Variants in TCEANC observed in about 807,000 individuals in gnomAD.
The protein encoded by TCEANC is transcription elongation factor A N-terminal and central domain-containing protein.
TCEANC carries 8 observed loss-of-function variants against 8.7 expected under a neutral mutation model. That is an observed-to-expected ratio of 0.92 (90% CI 0.54 to 1.65). The LOEUF (loss-of-function observed/expected upper bound fraction) is 1.65, where lower values mean the gene tolerates loss of function less well. Among genes scored for constraint, TCEANC ranks in the 40% most tolerant of loss-of-function variants. The pLI, the probability that TCEANC is intolerant of heterozygous loss-of-function variation, is 0.00. For missense variants in TCEANC, 255 were observed against 251.9 expected, an observed-to-expected ratio of 1.01 and a Z score of -0.08; for synonymous variants, 78 against 92.9, an observed-to-expected ratio of 0.84 and a Z score of 0.92.
chrX:13,662,567 A>G, exon 2 of TCEANC: 1 of 1,211,874 alleles, frequency 8.3e-7, no homozygotes, highest in Non-Finnish European at 1.1e-6. Flanking sequence ...CTGATGTCCA[A>G]AAGGAATTTT....
chrX:13,663,866 G>A (rs1436512785), exon 2 of TCEANC: 2 of 215,473 alleles, frequency 9.3e-6, no homozygotes, highest in East Asian at 8.6e-5. Flanking sequence ...TCACACCATT[G>A]AATCCGAATC....
intron 1 of TCEANC, 59 bp from the exon 5 acceptor site, chrX:13,662,442 A>G: frequency 1.9e-6 from 2 of 1,073,261 alleles, no homozygotes; most frequent in Non-Finnish European, 2.5e-6. Flanking sequence ...TTTAGTATCC[A>G]GAAGCTGCGA....
chrX:13,657,826 A>AAAAAAAC (rs1555961171), intron 1 of TCEANC, among the ~76,000 whole-genome samples: 1 of 79,356 alleles, frequency 1.3e-5, no homozygotes, highest in African/African-American at 5.3e-5. Flanking sequence ...AAAAAAAAAA[A>AAAAAAAC]ACACACACAC....
exon 2 of TCEANC, chrX:13,665,245 A>G (rs2046006826): frequency 8.1e-6 from 1 of 123,780 alleles, no homozygotes; most frequent in Admixed American, 9.4e-5. Context: ...CTGAAAAACT[A>G]TTCAGTGGTT....
intron 1 of TCEANC, among the ~76,000 whole-genome samples, 95 bp downstream of exon 4, chrX:13,661,217 C>T (rs1261803072): frequency 1.8e-5 from 2 of 111,890 alleles, no homozygotes; most frequent in Non-Finnish European, 3.8e-5. Flanking sequence ...GACCATTTTT[C>T]CATGTCGTTA....
chrX:13,654,443 G>C (rs2045908198), upstream of TCEANC, among the ~76,000 whole-genome samples: 1 of 112,549 alleles, frequency 8.9e-6, no homozygotes, highest in African/African-American at 3.2e-5. Flanking sequence ...GTAGTCCATA[G>C]AGATTGTATG....
At chrX:13,654,961 G>A (rs1040285703), upstream of TCEANC, among the ~76,000 whole-genome samples, 4 of 110,774 alleles carry the variant, frequency 3.6e-5, no homozygotes, top group African/African-American at 1.3e-4. Flanking sequence ...AGGGGCACTG[G>A]GCTTAGGTGC....
chrX:13,662,964 G>A (rs775503381), exon 2 of TCEANC: 1 of 1,211,191 alleles, frequency 8.3e-7, no homozygotes, highest in Non-Finnish European at 1.1e-6. Flanking sequence ...AGCATTTTGG[G>A]GATGGTGACC....
intron 1 of TCEANC, 98 bp from the exon 5 acceptor site, chrX:13,662,403 T>C: frequency 3.9e-6 from 3 of 762,553 alleles, no homozygotes; most frequent in Non-Finnish European, 5.8e-6. Context: ...TCGGAAAACA[T>C]TGCCTAGGTA....
At chrX:13,654,423 G>A (rs758555595), upstream of TCEANC, among the ~76,000 whole-genome samples, 241 of 112,650 alleles carry the variant, frequency 2.1e-3, 1 homozygote, top group East Asian at 3.9e-3. Context: ...TACAATAGCA[G>A]CAGAGTTGAG....
At chrX:13,656,740 G>A (rs1270796235) in intron 1 of TCEANC, among the ~76,000 whole-genome samples, 1 of 113,010 alleles carries the variant, frequency 8.8e-6, no homozygotes, top group Non-Finnish European at 1.9e-5. Flanking sequence ...AATGTGTTAT[G>A]TATAGACAAT....
exon 2 of TCEANC, chrX:13,663,635 T>A: frequency 1.0e-6 from 1 of 953,552 alleles, no homozygotes. Flanking sequence ...TTTGTGCTTT[T>A]AAAAATCTTA....
chrX:13,655,739 A>G (rs1255519294), intron 1 of TCEANC, among the ~76,000 whole-genome samples: 2 of 112,393 alleles, frequency 1.8e-5, no homozygotes, highest in Non-Finnish European at 3.8e-5. Context: ...AGGCCCTGCC[A>G]TTGTTTGTTT....
intron 1 of TCEANC, among the ~76,000 whole-genome samples, chrX:13,657,147 T>G (rs2045929202): frequency 8.9e-6 from 1 of 112,382 alleles, no homozygotes; most frequent in Admixed American, 9.4e-5. Flanking sequence ...GAGAGAGAAT[T>G]CACACAATCT....
chrX:13,663,505 T>C, exon 2 of TCEANC: 2 of 1,172,650 alleles, frequency 1.7e-6, no homozygotes, highest in African/African-American at 3.5e-5. Context: ...AATGATGACT[T>C]ACGTAATTTG....
rs5935650 is a variant in TCEANC at position 13,663,560 on chromosome X, G to A, written c.1052G>A (p.Trp351Ter). ...TGGTACCATAGCAAGTGGGTGTGCT[G>A]GTAACTGTAAATCAGTGTTCTCTTA... is the stretch of plus-strand genomic sequence containing the variant. Residue 351 changes from tryptophan to a stop codon, truncating the protein, a stop_gained, in exon 2 of 2, where the codon TGG becomes TAG. Transcript: ENST00000380600. LOFTEE classifies it high-confidence loss of function. 12 of 1,139,129 alleles carry A rather than the reference G, an allele frequency of 1.1e-5. No homozygotes were observed. The highest frequency in any genetic ancestry group is 1.8e-5 in the African/African-American group (1 of 54,662). The allele number at this position is 1,139,129 out of a possible 1,213,427, so 93.9% of individuals were successfully genotyped here. A position where few individuals can be genotyped will look rare whatever the true frequency, so the allele number is the denominator to read the frequency against.
At chrX:13,662,834 C>T in exon 2 of TCEANC, 1 of 1,211,481 alleles carries the variant, frequency 8.3e-7, no homozygotes, top group Non-Finnish European at 1.1e-6. Flanking sequence ...TCTCATGACC[C>T]AAGTCAGAAT....
chrX:13,662,829 T>G (rs775582475), exon 2 of TCEANC: 1 of 1,211,842 alleles, frequency 8.3e-7, no homozygotes, highest in Admixed American at 2.2e-5. Flanking sequence ...GACCTTCTCA[T>G]GACCCAAGTC....
At chrX:13,658,512 T>A (rs2045941430) in intron 1 of TCEANC, among the ~76,000 whole-genome samples, 1 of 111,771 alleles carries the variant, frequency 8.9e-6, no homozygotes, top group South Asian at 3.7e-4. Context: ...GCATGCATTG[T>A]TTTCATAATC....
Sources: gnomAD v4.1 joint callset for allele counts (sites outside exome capture counted in the v4.1 genomes callset) on GRCh38, gnomAD v4.1.1 for gene constraint, MANE v1.5 for transcripts, NCBI Gene and HGNC (gene_info 2026-07-23, HGNC 2026-07-21) for gene names.